The following RBMS3 variants were observed in gnomAD, a reference collection of about 807,000 sequenced individuals.
RBMS3 encodes the protein RNA binding motif single stranded interacting protein 3.
In RBMS3, 27 loss-of-function variants were observed where a neutral mutation model predicts 66.8. The observed-to-expected ratio is 0.40, with a 90% CI of 0.30 to 0.56. RBMS3 has a LOEUF of 0.56. RBMS3 is among the 20% of genes least tolerant of loss of function. The pLI, the probability that RBMS3 is intolerant of heterozygous loss-of-function variation, is 0.40. For missense variants in RBMS3, 513 were observed against 549.5 expected, an observed-to-expected ratio of 0.93 and a Z score of 0.66; for synonymous variants, 188 against 183.0, an observed-to-expected ratio of 1.03 and a Z score of -0.22.
intron 3 of RBMS3, among the ~76,000 whole-genome samples, chr3:29,541,894 T>C (rs1176008818): frequency 6.6e-6 from 1 of 152,058 alleles, no homozygotes; most frequent in Non-Finnish European, 1.5e-5. Context: ...ACATGCTTGC[T>C]CCTTCCCTCT....
chr3:29,913,645 G>T (rs1331208662), intron 10 of RBMS3, among the ~76,000 whole-genome samples: 4 of 151,858 alleles, frequency 2.6e-5, no homozygotes, highest in African/African-American at 9.7e-5. Flanking sequence ...ATCAACTTGG[G>T]TTCTGAATAA....
intron 1 of RBMS3, among the ~76,000 whole-genome samples, chr3:29,353,828 C>A (rs938645820): frequency 1.3e-5 from 2 of 152,076 alleles, no homozygotes; most frequent in Non-Finnish European, 2.9e-5. Flanking sequence ...TATTTTAACA[C>A]ATATGCAGTT....
chr3:29,811,980 G>T (rs755776882), intron 6 of RBMS3, among the ~76,000 whole-genome samples: 75 of 152,200 alleles, frequency 4.9e-4, no homozygotes, highest in Admixed American at 2.0e-3. Flanking sequence ...GGCTCTACAT[G>T]TCAATCCCTG....
intron 6 of RBMS3, among the ~76,000 whole-genome samples, chr3:29,803,420 G>T (rs1346979360): frequency 1.3e-5 from 2 of 152,014 alleles, no homozygotes; most frequent in Admixed American, 1.3e-4. Context: ...CCCAGCTTCT[G>T]CCCATCCCCA....
rs565375418 is a variant in RBMS3 at position 29,591,020 on chromosome 3, G to T, written c.399+3815G>T. ...AAGGTTTTTCCAGAATCTCAAATCA[G>T]CAATTTGTGCTTACAACTCAAAAGC... On this transcript the variant is annotated intron_variant, in intron 4 of 14. Coordinates refer to ENST00000383767, the MANE Select transcript of RBMS3 (RefSeq NM_001003793.3). 2.0e-4 allele frequency among the ~76,000 whole-genome samples: 30 copies of T among 152,254 alleles called. 1 individual carries two copies. In the South Asian group the frequency reaches 6.0e-3, roughly 30 times the overall value.
chr3:29,944,152 T>C (rs532841255), intron 11 of RBMS3, 55 bp from the exon 12 acceptor site: 11 of 1,488,198 alleles, frequency 7.4e-6, no homozygotes, highest in Admixed American at 5.0e-5. Flanking sequence ...GCTGATTCTA[T>C]TTTATTTTCT....
intron 12 of RBMS3, among the ~76,000 whole-genome samples, chr3:29,972,378 T>C (rs1697284336): frequency 6.6e-6 from 1 of 152,124 alleles, no homozygotes; most frequent in Non-Finnish European, 1.5e-5. Context: ...CTTTATGCCC[T>C]GTTGTTTGCA....
In RBMS3 at chr3:30,005,651, C is replaced by T. The variant is rs1699785767; in HGVS notation, c.*1789C>T. ...TTTGTCATCACCTACCATGAATAGT[C>T]ACCTTGGTTTTGCAAATGGGGAGGG... On this transcript the variant is annotated 3_prime_UTR_variant, in exon 15 of 15. Coordinates refer to ENST00000383767, the MANE Select transcript of RBMS3 (RefSeq NM_001003793.3). The T allele has an allele frequency of 1.3e-5, 2 of 151,804 alleles. No individual in the cohort carries two copies. The highest frequency in any genetic ancestry group is 1.3e-4 in the Admixed American group (2 of 15,226). 9.4% of individuals were successfully genotyped at this position (151,804 alleles called of 1,614,324 possible).
At chr3:29,712,861 A>C (rs572311623) in intron 4 of RBMS3, among the ~76,000 whole-genome samples, 2 of 152,222 alleles carry the variant, frequency 1.3e-5, no homozygotes, top group South Asian at 4.2e-4. Context: ...TAGAAATGAA[A>C]TACATCTCCA....
At chr3:29,937,790 A>G (rs2061304837) in intron 11 of RBMS3, among the ~76,000 whole-genome samples, 1 of 151,994 alleles carries the variant, frequency 6.6e-6, no homozygotes, top group Admixed American at 6.6e-5. Flanking sequence ...GCTTTTATCA[A>G]AGAATTATTT....
chr3:29,947,250 G>T (rs907754930), intron 12 of RBMS3, among the ~76,000 whole-genome samples: 11 of 151,548 alleles, frequency 7.3e-5, no homozygotes, highest in Admixed American at 7.3e-4. Flanking sequence ...AGTGACAGAA[G>T]TTAAGGGAGT....
chr3:29,836,650 TG>T (rs527305148), intron 6 of RBMS3, among the ~76,000 whole-genome samples: 365 of 152,064 alleles, frequency 2.4e-3, no homozygotes, highest in Non-Finnish European at 4.4e-3. Context: ...TGACTATAGT[TG>T]ATAATAATAT....
chr3:29,795,140 G>A (rs925574236), intron 6 of RBMS3, among the ~76,000 whole-genome samples: 1 of 152,160 alleles, frequency 6.6e-6, no homozygotes, highest in Admixed American at 6.5e-5. Context: ...TTAGGAAAGG[G>A]CACAAGAAGG....
chr3:29,475,832 G>A (rs1276647236), intron 2 of RBMS3, among the ~76,000 whole-genome samples: 1 of 152,010 alleles, frequency 6.6e-6, no homozygotes, highest in Admixed American at 6.6e-5. Flanking sequence ...ATTATGTGGG[G>A]CCATGTGTTG....
At chr3:29,317,959 T>G (rs1162499113) in intron 1 of RBMS3, among the ~76,000 whole-genome samples, 1 of 151,844 alleles carries the variant, frequency 6.6e-6, no homozygotes, top group African/African-American at 2.4e-5. Flanking sequence ...GAATGCAATC[T>G]TATTTTATCT....
At chr3:29,874,355 A>T (rs1448478876) in intron 7 of RBMS3, among the ~76,000 whole-genome samples, 1 of 152,182 alleles carries the variant, frequency 6.6e-6, no homozygotes, top group Non-Finnish European at 1.5e-5. Context: ...AAACCTGGTA[A>T]TACCGTCTAG....
chr3:29,767,818 T>G (rs2149390089), intron 6 of RBMS3, among the ~76,000 whole-genome samples: 1 of 152,122 alleles, frequency 6.6e-6, no homozygotes, highest in Non-Finnish European at 1.5e-5. Flanking sequence ...ATCAGAATAT[T>G]TAAGCAATAG....
At chr3:29,359,185 G>C (rs1411245359) in intron 1 of RBMS3, among the ~76,000 whole-genome samples, 1 of 152,124 alleles carries the variant, frequency 6.6e-6, no homozygotes, top group Non-Finnish European at 1.5e-5. Context: ...CTGCGGGTTT[G>C]TCATAAATAG....
intron 3 of RBMS3, among the ~76,000 whole-genome samples, chr3:29,582,104 C>T (rs1576288912): frequency 6.6e-6 from 1 of 151,866 alleles, no homozygotes; most frequent in East Asian, 1.9e-4. Context: ...CTAAAGGAAA[C>T]AAATAAGAAC....
Sources: gnomAD v4.1 joint callset for allele counts (sites outside exome capture counted in the v4.1 genomes callset) on GRCh38, gnomAD v4.1.1 for gene constraint, MANE v1.5 for transcripts, NCBI Gene and HGNC (gene_info 2026-07-23, HGNC 2026-07-21) for gene names.